The following OTOGL variants were observed in gnomAD, a reference collection of about 807,000 sequenced individuals.
The protein encoded by OTOGL is otogelin like.
Under a neutral mutation model 318.5 loss-of-function variants are expected in OTOGL, and 285 were observed. The observed-to-expected ratio is 0.89, with a 90% CI of 0.81 to 0.99. The LOEUF (loss-of-function observed/expected upper bound fraction) is 0.99. Among genes scored for constraint, OTOGL ranks in the 50% least tolerant of loss-of-function variants. The pLI is 0.00. For synonymous variants in OTOGL, 987 were observed against 936.5 expected, an observed-to-expected ratio of 1.05 and a Z score of -0.99; for missense variants, 2,899 against 2,845.6, an observed-to-expected ratio of 1.02 and a Z score of -0.43.
intron 5 of OTOGL, among the ~76,000 whole-genome samples, chr12:80,219,579 C>T (rs1182182494): frequency 6.6e-6 from 1 of 152,184 alleles, no homozygotes; most frequent in Non-Finnish European, 1.5e-5. Context: ...CTAACCTTTG[C>T]TCTCAGGGTA....
intron 1 of OTOGL, among the ~76,000 whole-genome samples, chr12:80,206,482 C>A (rs1030459805): frequency 6.6e-6 from 1 of 151,978 alleles, no homozygotes; most frequent in Non-Finnish European, 1.5e-5. Flanking sequence ...TAGTAACAAC[C>A]CTGAGGCTTC....
chr12:80,249,346 G>GTGGATGTCCTTTCTGTT (rs1881244289), intron 11 of OTOGL, among the ~76,000 whole-genome samples: 1 of 151,570 alleles, frequency 6.6e-6, no homozygotes, highest in Admixed American at 6.5e-5. Flanking sequence ...GGTTTTCGGT[G>GTGGATGTCCTTTCTGTT]TGGATGTCCT....
At position 80,213,928 on chromosome 12, in the gene OTOGL, C is replaced by T. The variant is rs1244906; in HGVS notation, c.168+1931C>T. On this transcript the variant is annotated intron_variant, in intron 4 of 58. Coordinates refer to ENST00000547103, the MANE Select transcript of OTOGL (RefSeq NM_001378609.3). ...CAGAGCACCAATGGGTAGATAAGTG[C>T]GCAAATAAGGACTCAGAAATATGTT... 4.6e-3 allele frequency among the ~76,000 whole-genome samples: 693 copies of T among 152,212 alleles called. 6 individuals carry two copies. The highest frequency in any genetic ancestry group is 0.016 in the African/African-American group (645 of 41,540).
At chr12:80,157,874 C>T (rs1002004955) in intron 1 of OTOGL, among the ~76,000 whole-genome samples, 2 of 152,114 alleles carry the variant, frequency 1.3e-5, no homozygotes, top group African/African-American at 4.8e-5. Context: ...CTTCCAGTCA[C>T]TCGTGTGACT....
chr12:80,370,502 T>C (rs1429451540), intron 55 of OTOGL, 68 bp from the exon 56 acceptor site: 1 of 1,277,582 alleles, frequency 7.8e-7, no homozygotes, highest in East Asian at 2.7e-5. Context: ...TTCAATAGAA[T>C]AATATTGTAC....
At chr12:80,341,860 C>T in intron 43 of OTOGL, 88 bp from the exon 44 acceptor site, 2 of 870,784 alleles carry the variant, frequency 2.3e-6, no homozygotes, top group Non-Finnish European at 1.8e-6. Flanking sequence ...ATCATTTGTT[C>T]ATTTAAAATC....
rs1172877584 is a variant in OTOGL, at chr12:80,266,578, C to T, written c.2352C>T (p.Gly784=). 1 of 1,613,464 alleles carries T rather than the reference C, an allele frequency of 6.2e-7. No individual in the cohort carries two copies. Among genetic ancestry groups the T allele is most frequent in the South Asian group, 1.1e-5 (1 of 91,044 alleles). ...CTGAAGGCTGTAATTGTCCGGAAGG[C>T]AAATTCTATGAAGACACTCTTAACT... The part of the protein sequence containing the change: ...DCAEGCNCPE[G]KFYEDTLNFC... Residue 784 remains glycine (G), a synonymous_variant, in exon 21 of 59, where the codon GGC becomes GGT. Transcript: ENST00000547103.
intron 26 of OTOGL, among the ~76,000 whole-genome samples, chr12:80,295,461 G>A (rs934182058): frequency 6.6e-6 from 1 of 152,170 alleles, no homozygotes; most frequent in African/African-American, 2.4e-5. Flanking sequence ...ACAGGCGTGA[G>A]CCACCGCGTC....
rs1354747986 is a variant in OTOGL, at chr12:80,207,350, C to T, written c.-19-2063C>T. On this transcript the variant is annotated intron_variant, in intron 1 of 58. Transcript: ENST00000547103. The stretch of plus-strand genomic sequence containing the variant: ...CTAAGTAGCTGGTATTACAGGTATG[C>T]GCCACCACTCCCAGCTATTTTGTTT... 7.9e-5 allele frequency among the ~76,000 whole-genome samples: 12 copies of T among 152,088 alleles called. No individual in the cohort carries two copies. In the South Asian group the frequency reaches 1.2e-3, roughly 16 times the overall value.
intron 35 of OTOGL, among the ~76,000 whole-genome samples, chr12:80,324,399 G>C (rs914240131): frequency 6.6e-6 from 1 of 152,302 alleles, no homozygotes; most frequent in Non-Finnish European, 1.5e-5. Context: ...GGATCAGCAA[G>C]GAGGTCATAA....
intron 8 of OTOGL, among the ~76,000 whole-genome samples, chr12:80,231,427 T>C (rs1879348884): frequency 1.3e-5 from 2 of 152,126 alleles, no homozygotes; most frequent in Admixed American, 1.3e-4. Flanking sequence ...TACAGATATT[T>C]TGAATTGTTT....
intron 17 of OTOGL, among the ~76,000 whole-genome samples, chr12:80,257,056 T>C (rs984875922): frequency 2.0e-5 from 3 of 152,060 alleles, no homozygotes; most frequent in Non-Finnish European, 4.4e-5. Context: ...TTTTACATTG[T>C]GGATTTCTGG....
chr12:80,155,252 T>G (rs1249463285), intron 1 of OTOGL, among the ~76,000 whole-genome samples: 1 of 152,238 alleles, frequency 6.6e-6, no homozygotes, highest in Non-Finnish European at 1.5e-5. Context: ...CTTTACCTTG[T>G]CTTTCACAGA....
rs868281750 is a variant in OTOGL at position 80,324,845 on chromosome 12, A to C, written c.4199+1005A>C. 5.2e-4 allele frequency among the ~76,000 whole-genome samples: 79 copies of C among 152,198 alleles called. 1 individual carries two copies. The highest frequency in any genetic ancestry group is 5.9e-4 in the Admixed American group (9 of 15,280). Reference sequence around the variant, plus strand: ...TAGCCAAATTGGTCAAATAGCAGTAATTTCAAATGATTTGATCTAATAGAA... The same window carrying C: ...TAGCCAAATTGGTCAAATAGCAGTACTTTCAAATGATTTGATCTAATAGAA... On this transcript the variant is annotated intron_variant, in intron 35 of 58. Coordinates refer to ENST00000547103, the MANE Select transcript of OTOGL (RefSeq NM_001378609.3).
chr12:80,252,616 A>T (rs774875656), intron 13 of OTOGL, among the ~76,000 whole-genome samples: 1 of 152,168 alleles, frequency 6.6e-6, no homozygotes, highest in Non-Finnish European at 1.5e-5. Context: ...GAGAGGTAGG[A>T]TTTAAAATTA....
intron 1 of OTOGL, among the ~76,000 whole-genome samples, chr12:80,140,682 T>C (rs1412936123): frequency 6.6e-6 from 1 of 152,146 alleles, no homozygotes; most frequent in African/African-American, 2.4e-5. Context: ...CCTCTTACTA[T>C]TGTGGTAAGA....
intron 37 of OTOGL, among the ~76,000 whole-genome samples, chr12:80,332,158 C>T (rs1888114762): frequency 6.6e-6 from 1 of 151,934 alleles, no homozygotes; most frequent in South Asian, 2.1e-4. Flanking sequence ...TGAAAATTGA[C>T]AAAGAAAAAT....
intron 1 of OTOGL, among the ~76,000 whole-genome samples, chr12:80,140,321 T>C (rs951556008): frequency 9.2e-5 from 14 of 152,204 alleles, no homozygotes; most frequent in African/African-American, 3.4e-4. Flanking sequence ...AGGTAAATTA[T>C]TGGCTTCTTT....
At chr12:80,287,421 T>G (rs1316081418) in intron 26 of OTOGL, among the ~76,000 whole-genome samples, 1 of 151,726 alleles carries the variant, frequency 6.6e-6, no homozygotes, top group Non-Finnish European at 1.5e-5. Context: ...GTCTGCCTGG[T>G]CCAGAGCTGA....
Sources: gnomAD v4.1 joint callset for allele counts (sites outside exome capture counted in the v4.1 genomes callset) on GRCh38, gnomAD v4.1.1 for gene constraint, MANE v1.5 for transcripts, NCBI Gene and HGNC (gene_info 2026-07-23, HGNC 2026-07-21) for gene names.